Variants in BORCS5 observed in about 807,000 individuals in gnomAD.
BORCS5 encodes the protein BLOC-1-related complex subunit 5.
Under a neutral mutation model 22.1 loss-of-function variants are expected in BORCS5, and 17 were observed. The ratio of observed to expected loss-of-function variants is 0.77; its 90% CI spans 0.53 to 1.15. The LOEUF (loss-of-function observed/expected upper bound fraction) is 1.15. BORCS5 is among the 50% of genes most tolerant of loss of function. The pLI, the probability that BORCS5 is intolerant of heterozygous loss-of-function variation, is 0.00. For synonymous variants in BORCS5, 117 were observed against 99.8 expected (o/e 1.17, Z -1.03); for missense variants, 247 against 253.2 (o/e 0.98, Z 0.17).
Position 12,357,152 on chromosome 12 carries a change from G to C in BORCS5, c.-300G>C, listed in dbSNP as rs1437604729. On this transcript the variant is annotated 5_prime_UTR_variant, in exon 1 of 4. Coordinates refer to ENST00000314565, the MANE Select transcript of BORCS5 (RefSeq NM_058169.6). ...AAGCGGCGCCGCCCGCCGGCCGCAGGTGCGGCAAAGCCAGTGTCATCTGCC... is the reference window on the plus strand; with the variant it reads ...AAGCGGCGCCGCCCGCCGGCCGCAGCTGCGGCAAAGCCAGTGTCATCTGCC... 2.6e-6 allele frequency: 4 copies of C among 1,533,034 alleles called. No individual in the cohort carries two copies. In the African/African-American group the frequency reaches 4.1e-5, roughly 16 times the overall value. The allele number at this position is 1,533,034 out of a possible 1,614,324, so 95.0% of individuals were successfully genotyped here. A position where few individuals can be genotyped will look rare whatever the true frequency, so the allele number is the denominator to read the frequency against.
At chr12:12,382,579 C>T (rs1204029141) in intron 2 of BORCS5, among the ~76,000 whole-genome samples, 2 of 145,694 alleles carry the variant, frequency 1.4e-5, no homozygotes, top group Non-Finnish European at 3.0e-5. Flanking sequence ...CGACAGGCTG[C>T]TGAAGTGCAG....
intron 2 of BORCS5, among the ~76,000 whole-genome samples, chr12:12,396,542 A>G (rs1165863675): frequency 3.3e-5 from 5 of 152,286 alleles, no homozygotes; most frequent in South Asian, 4.1e-4. Flanking sequence ...CGCTGAATGC[A>G]GTATTACAGT....
rs1197457233 is a variant in BORCS5 at position 12,468,776 on chromosome 12, A to G, written c.*3000A>G. ...TTCATTTCTGTTGATGAACACAGTC[A>G]AATAGGCCTCTATGTGCAGTCTCCT... On this transcript the variant is annotated 3_prime_UTR_variant, in exon 4 of 4. Coordinates refer to ENST00000314565, the MANE Select transcript of BORCS5 (RefSeq NM_058169.6). The G allele has an allele frequency of 6.6e-6, 1 of 152,172 alleles. No individual in the cohort carries two copies. Among genetic ancestry groups the G allele is most frequent in the African/African-American group, 2.4e-5 (1 of 41,428 alleles). The allele number at this position is 152,172 out of a possible 1,614,324, so 9.4% of individuals were successfully genotyped here.
In BORCS5 at chr12:12,454,655, A is replaced by G. The variant is rs1942967946; in HGVS notation, c.361-10891A>G. ...ATAAAATATGTAGCAGTTTTCTTTT[A>G]ATGTGATTATGATTTGGGAACTTTT... On this transcript the variant is annotated intron_variant, in intron 3 of 3. Coordinates refer to ENST00000314565, the MANE Select transcript of BORCS5 (RefSeq NM_058169.6). Among the ~76,000 whole-genome samples the G allele has an allele frequency of 3.3e-5, 5 of 152,178 alleles. No homozygotes were observed. In the South Asian group the frequency reaches 1.0e-3, roughly 31 times the overall value.
intron 3 of BORCS5, among the ~76,000 whole-genome samples, chr12:12,438,360 C>CAAAAA (rs57737663): frequency 2.1e-4 from 5 of 23,792 alleles, no homozygotes; most frequent in East Asian, 9.7e-4. Flanking sequence ...GATTTCATCT[C>CAAAAA]AAAAAAAAAA....
At chr12:12,374,992 G>A (rs1863616873) in intron 2 of BORCS5, among the ~76,000 whole-genome samples, 1 of 151,530 alleles carries the variant, frequency 6.6e-6, no homozygotes, top group Non-Finnish European at 1.5e-5. Context: ...TTTGTATTTG[G>A]AATATACTGC....
At chr12:12,398,931 G>A (rs954871715) in intron 2 of BORCS5, among the ~76,000 whole-genome samples, 1 of 152,154 alleles carries the variant, frequency 6.6e-6, no homozygotes, top group African/African-American at 2.4e-5. Context: ...AGACGGTTGG[G>A]GTGCTACTGG....
chr12:12,366,476 C>T (rs1863409739), intron 2 of BORCS5, among the ~76,000 whole-genome samples: 1 of 151,980 alleles, frequency 6.6e-6, no homozygotes, highest in African/African-American at 2.4e-5. Context: ...CTTTTTTTAT[C>T]AAAGGGATTT....
intron 2 of BORCS5, among the ~76,000 whole-genome samples, chr12:12,370,346 A>G (rs1029899738): frequency 6.6e-6 from 1 of 152,078 alleles, no homozygotes; most frequent in Non-Finnish European, 1.5e-5. Flanking sequence ...GTTTTTATCT[A>G]TCTGAACTTT....
At chr12:12,369,266 A>G (rs1037016850) in intron 2 of BORCS5, among the ~76,000 whole-genome samples, 2 of 152,150 alleles carry the variant, frequency 1.3e-5, no homozygotes, top group Non-Finnish European at 2.9e-5. Context: ...TACTATTTGC[A>G]TAGTATACCT....
chr12:12,434,099 G>A (rs1292337760), intron 2 of BORCS5, among the ~76,000 whole-genome samples: 1 of 151,756 alleles, frequency 6.6e-6, no homozygotes, highest in Non-Finnish European at 1.5e-5. Context: ...ACCAACCTGG[G>A]CAGCAAAACC....
chr12:12,414,485 C>T (rs1356305238), intron 2 of BORCS5, among the ~76,000 whole-genome samples: 2 of 81,228 alleles, frequency 2.5e-5, no homozygotes, highest in East Asian at 2.7e-4. Context: ...CAGAGGGGCT[C>T]CTCACTTCCC....
At chr12:12,401,078 T>G (rs572094162) in intron 2 of BORCS5, among the ~76,000 whole-genome samples, 1 of 152,382 alleles carries the variant, frequency 6.6e-6, no homozygotes, top group East Asian at 1.9e-4. Flanking sequence ...TTGAGTTGTT[T>G]CCAGTTGTTT....
chr12:12,425,139 A>C (rs1395982630), intron 2 of BORCS5, among the ~76,000 whole-genome samples: 1 of 152,098 alleles, frequency 6.6e-6, no homozygotes, highest in African/African-American at 2.4e-5. Context: ...TGTGCAAGCC[A>C]CTCCAGGAAT....
intron 2 of BORCS5, among the ~76,000 whole-genome samples, chr12:12,427,249 C>T (rs539005830): frequency 0.02 from 2,802 of 142,424 alleles, 48 homozygotes; most frequent in Non-Finnish European, 0.028. Context: ...GGCACAATCT[C>T]GGCTCACTGC....
chr12:12,414,909 C>T (rs866811187), intron 2 of BORCS5, among the ~76,000 whole-genome samples: 2,364 of 145,638 alleles, frequency 0.016, 61 homozygotes, highest in African/African-American at 0.057. Context: ...ACATCCCAGA[C>T]AGGGCGGCGG....
chr12:12,375,482 T>C (rs1209126085), intron 2 of BORCS5, among the ~76,000 whole-genome samples: 3 of 152,180 alleles, frequency 2.0e-5, no homozygotes, highest in Non-Finnish European at 4.4e-5. Flanking sequence ...TAGCTGGTCA[T>C]GGTGGCATGT....
intron 3 of BORCS5, among the ~76,000 whole-genome samples, chr12:12,459,603 T>C (rs1943065846): frequency 1.3e-5 from 2 of 152,132 alleles, no homozygotes; most frequent in South Asian, 4.1e-4. Context: ...AGCCACTGAG[T>C]CCAGCCAAGG....
chr12:12,422,667 T>G (rs1299712601), intron 2 of BORCS5, among the ~76,000 whole-genome samples: 1 of 152,172 alleles, frequency 6.6e-6, no homozygotes, highest in East Asian at 1.9e-4. Flanking sequence ...CAGCTTAACT[T>G]TCATAACATA....
Sources: gnomAD v4.1 joint callset for allele counts (sites outside exome capture counted in the v4.1 genomes callset) on GRCh38, gnomAD v4.1.1 for gene constraint, MANE v1.5 for transcripts, NCBI Gene and HGNC (gene_info 2026-07-23, HGNC 2026-07-21) for gene names.